The following SRD5A3 variants were observed in gnomAD, a reference collection of about 807,000 sequenced individuals.
SRD5A3 encodes steroid 5 alpha-reductase 3.
SRD5A3 carries 24 observed loss-of-function variants against 34.3 expected under a neutral mutation model. The observed-to-expected ratio is 0.70, with a 90% confidence interval of 0.51 to 0.99. The LOEUF is 0.99. Among genes scored for constraint, SRD5A3 ranks in the 50% least tolerant of loss-of-function variants. SRD5A3 has a pLI of 0.00. For synonymous variants in SRD5A3, 161 were observed against 167.3 expected (o/e 0.96, Z 0.29); for missense variants, 350 against 388.2 (o/e 0.90, Z 0.83).
At chr4:55,347,984 A>G (rs1259722286) in intron 1 of SRD5A3, among the ~76,000 whole-genome samples, 1 of 152,216 alleles carries the variant, frequency 6.6e-6, no homozygotes, top group African/African-American at 2.4e-5. Context: ...GTTTTGAGAA[A>G]GGTACTAGTC....
Position 55,346,575 on chromosome 4 carries a change from C to T in SRD5A3, c.221+18C>T, listed in dbSNP as rs1349858055. 4 of 1,562,948 alleles carry T rather than the reference C, an allele frequency of 2.6e-6. No individual in the cohort carries two copies. Among genetic ancestry groups the T allele is most frequent in the Non-Finnish European group, 3.5e-6 (4 of 1,155,602 alleles). On this transcript the variant is annotated intron_variant, in intron 1 of 4. Transcript: ENST00000264228. ...CCCAAGAGGTAACCGCGCCCCGGTC[C>T]CGAGCCGCGGTGGTCAAGGCGCTGA...
chr4:55,359,361 T>C lies in SRD5A3; in HGVS notation c.237T>C (p.Phe79=), dbSNP rs1349948572. ...FDVPKRYFSH[F]YIISVLWNGF... Reference sequence around the variant, plus strand: ...CCTTTTGCAGATATTTTTCCCACTTTTATATCATCTCAGTGCTGTGGAATG... The same window carrying C: ...CCTTTTGCAGATATTTTTCCCACTTCTATATCATCTCAGTGCTGTGGAATG... Residue 79 remains phenylalanine (F), a synonymous_variant, in exon 2 of 5, where the codon TTT becomes TTC. Transcript: ENST00000264228. The C allele has an allele frequency of 1.2e-6, 2 of 1,614,012 alleles. No homozygotes were observed. Among genetic ancestry groups the C allele is most frequent in the Non-Finnish European group, 1.7e-6 (2 of 1,180,020 alleles).
intron 1 of SRD5A3, among the ~76,000 whole-genome samples, chr4:55,349,846 A>G: frequency 6.6e-6 from 1 of 152,192 alleles, no homozygotes; most frequent in Admixed American, 6.5e-5. Context: ...TTGGATTGAA[A>G]GAAAGTTATG....
At chr4:55,351,665 A>G (rs1371357173) in intron 1 of SRD5A3, 1 of 271,536 alleles carries the variant, frequency 3.7e-6, no homozygotes, top group Admixed American at 4.7e-5. Flanking sequence ...CTCAAAAAAA[A>G]AAAGGGGTGA....
chr4:55,359,795 A>G (rs1368894267), intron 2 of SRD5A3, among the ~76,000 whole-genome samples: 3 of 152,206 alleles, frequency 2.0e-5, no homozygotes, highest in Non-Finnish European at 4.4e-5. Flanking sequence ...TGATAAATTT[A>G]TGAAGAAGTC....
chr4:55,358,444 G>A (rs1322232862), intron 1 of SRD5A3, among the ~76,000 whole-genome samples: 5 of 150,562 alleles, frequency 3.3e-5, no homozygotes, highest in South Asian at 2.1e-4. Flanking sequence ...GCTGCGGTGC[G>A]AGGATCACTT....
intron 1 of SRD5A3, among the ~76,000 whole-genome samples, chr4:55,357,443 G>T (rs1000257667): frequency 6.6e-6 from 1 of 152,194 alleles, no homozygotes; most frequent in Non-Finnish European, 1.5e-5. Flanking sequence ...TGTGCTCCAC[G>T]AGGCTCAGAC....
chr4:55,357,524 C>T (rs982999337), intron 1 of SRD5A3, among the ~76,000 whole-genome samples: 4 of 152,108 alleles, frequency 2.6e-5, no homozygotes, highest in African/African-American at 4.8e-5. Flanking sequence ...GATCAGTAGC[C>T]ACAGGTGGCG....
chr4:55,352,036 G>T, intron 1 of SRD5A3: 1 of 768,314 alleles, frequency 1.3e-6, no homozygotes, highest in Non-Finnish European at 2.4e-6. Flanking sequence ...TTGGATCCTT[G>T]GTGATCCTTA....
At chr4:55,355,113 C>T (rs948579813) in intron 1 of SRD5A3, among the ~76,000 whole-genome samples, 2 of 152,186 alleles carry the variant, frequency 1.3e-5, no homozygotes, top group Admixed American at 6.5e-5. Flanking sequence ...CTTTTGGAGG[C>T]TCAAGCTGGG....
chr4:55,348,311 A>G (rs1377848457), intron 1 of SRD5A3, among the ~76,000 whole-genome samples: 1 of 152,200 alleles, frequency 6.6e-6, no homozygotes, highest in Non-Finnish European at 1.5e-5. Context: ...CATCCAGACC[A>G]ATAATGAAAG....
At chr4:55,346,724 C>T (rs562354222) in intron 1 of SRD5A3, among the ~76,000 whole-genome samples, 167 bp downstream of exon 1, 156 of 152,214 alleles carry the variant, frequency 1.0e-3, no homozygotes, top group African/African-American at 3.7e-3. Context: ...CCCGGCCATG[C>T]CCCGGCTGCT....
chr4:55,365,428 C>T (rs1452482535), intron 3 of SRD5A3, among the ~76,000 whole-genome samples: 5 of 152,228 alleles, frequency 3.3e-5, no homozygotes, highest in Admixed American at 3.3e-4. Flanking sequence ...ACTTAGCTAG[C>T]ATCTCTCTGA....
Position 55,369,968 on chromosome 4 carries a change from G to A in SRD5A3, c.834G>A (p.Trp278Ter). Residue 278 changes from tryptophan (W) to a stop codon, truncating the protein, a stop_gained, in exon 5 of 5, where the codon TGG (tryptophan) becomes TGA (stop). Transcript: ENST00000264228. LOFTEE classifies it high-confidence loss of function. The stretch of plus-strand genomic sequence containing the variant: ...TTGGGTTCCACAACTTAACTTGGTG[G>A]CTAGTGGTGACAAATGTCTTCTTTA... ...VTFGFHNLTW[W>*]LVVTNVFFNQ... 6.2e-7 allele frequency: 1 copy of A among 1,614,150 alleles called. No individual in the cohort carries two copies. The highest frequency in any genetic ancestry group is 8.5e-7 in the Non-Finnish European group (1 of 1,180,046).
At chr4:55,360,259 C>G (rs997730976) in intron 2 of SRD5A3, among the ~76,000 whole-genome samples, 2 of 150,454 alleles carry the variant, frequency 1.3e-5, no homozygotes, top group Non-Finnish European at 2.9e-5. Flanking sequence ...GTAATCCCAG[C>G]ACTTTGGGAG....
rs1369715490 is a variant in SRD5A3 at position 55,368,334 on chromosome 4, A to G, written c.697+612A>G. Reference sequence around the variant, plus strand: ...GCGGAGGTTGCAGTGAGCTGAGATCACGCCACTGCGCTCCAGCTTGGGTGA... The same window carrying G: ...GCGGAGGTTGCAGTGAGCTGAGATCGCGCCACTGCGCTCCAGCTTGGGTGA... On this transcript the variant is annotated intron_variant, in intron 4 of 4. Transcript: ENST00000264228. 1.0e-4 allele frequency among the ~76,000 whole-genome samples: 15 copies of G among 150,568 alleles called. No homozygotes were observed. The South Asian group carries it at 2.4e-3, about 24-fold the overall frequency.
intron 1 of SRD5A3, among the ~76,000 whole-genome samples, chr4:55,350,327 G>A (rs1013105380): frequency 1.3e-5 from 2 of 152,120 alleles, no homozygotes; most frequent in Non-Finnish European, 1.5e-5. Flanking sequence ...CCAAGATCGC[G>A]CCACTGCACT....
At position 55,370,224 on chromosome 4, in the gene SRD5A3, TTTC is replaced by T. The variant is rs1720069903; in HGVS notation, c.*134_*136del. ...CATTCCATTTCTATACCCCACAAGT[TTTC>T]ACTGAATGAGCATGGCAGTGCCACT... On this transcript the variant is annotated 3_prime_UTR_variant, in exon 5 of 5. Coordinates refer to ENST00000264228, the MANE Select transcript of SRD5A3 (RefSeq NM_024592.5). The T allele has an allele frequency of 6.7e-6, 8 of 1,198,776 alleles. No individual in the cohort carries two copies. The Admixed American group carries it at 1.4e-4, about 21-fold the overall frequency. The allele number at this position is 1,198,776 out of a possible 1,614,324, so 74.3% of individuals were successfully genotyped here. A position where few individuals can be genotyped will look rare whatever the true frequency, so the allele number is the denominator to read the frequency against.
In SRD5A3 at chr4:55,356,305, G is replaced by A. The variant is rs569417627; in HGVS notation, c.222-3041G>A. Reference sequence around the variant, plus strand: ...ATTACAGGCCTGAGCCACTGCACCCGGCCTCTTTTGCTGCCTTTTAAAATG... The same window carrying A: ...ATTACAGGCCTGAGCCACTGCACCCAGCCTCTTTTGCTGCCTTTTAAAATG... On this transcript the variant is annotated intron_variant, in intron 1 of 4. Coordinates refer to ENST00000264228, the MANE Select transcript of SRD5A3 (RefSeq NM_024592.5). 4.6e-5 allele frequency among the ~76,000 whole-genome samples: 7 copies of A among 152,092 alleles called. No homozygotes were observed. In the South Asian group the frequency reaches 1.2e-3, roughly 27 times the overall value.
Sources: gnomAD v4.1 joint callset for allele counts (sites outside exome capture counted in the v4.1 genomes callset) on GRCh38, gnomAD v4.1.1 for gene constraint, MANE v1.5 for transcripts, NCBI Gene and HGNC (gene_info 2026-07-23, HGNC 2026-07-21) for gene names.